ARHGEF3: variants seen among roughly 807,000 people sequenced by gnomAD.
ARHGEF3 encodes 59.8 kDA protein.
Under a neutral mutation model 63.2 loss-of-function variants are expected in ARHGEF3, and 28 were observed. The ratio of observed to expected loss-of-function variants is 0.44; its 90% CI spans 0.33 to 0.61. The LOEUF is 0.61. Among genes scored for constraint, ARHGEF3 ranks in the 20% least tolerant of loss-of-function variants. The pLI, the probability that ARHGEF3 is intolerant of heterozygous loss-of-function variation, is 0.03. For synonymous variants in ARHGEF3, 266 were observed against 254.2 expected, an observed-to-expected ratio of 1.05 and a Z score of -0.44; for missense variants, 533 against 659.3, an observed-to-expected ratio of 0.81 and a Z score of 2.10.
intron 2 of ARHGEF3, among the ~76,000 whole-genome samples, chr3:56,963,778 C>T (rs566199988): frequency 2.7e-4 from 41 of 152,302 alleles, no homozygotes; most frequent in African/African-American, 9.4e-4. Context: ...AAGATAATGG[C>T]TTCTTTCACT....
chr3:56,988,302 A>G (rs1311751585), intron 2 of ARHGEF3, among the ~76,000 whole-genome samples: 3 of 152,046 alleles, frequency 2.0e-5, no homozygotes, highest in African/African-American at 7.2e-5. Flanking sequence ...GCACGCCACC[A>G]TGCCCAGCTA....
chr3:56,827,218 TC>T (rs1386149598), intron 4 of ARHGEF3, among the ~76,000 whole-genome samples: 3 of 152,192 alleles, frequency 2.0e-5, no homozygotes, highest in Admixed American at 2.0e-4. Context: ...TAGTTACAAC[TC>T]GTATCCATTT....
At chr3:57,028,980 G>GAC (rs58006138) in intron 2 of ARHGEF3, among the ~76,000 whole-genome samples, 6,169 of 142,174 alleles carry the variant, frequency 0.043, 162 homozygotes, top group Middle Eastern at 0.077. Flanking sequence ...TAATGGTGAA[G>GAC]ACACACACAC....
intron 3 of ARHGEF3, among the ~76,000 whole-genome samples, chr3:56,754,352 G>C (rs2034940279): frequency 1.3e-5 from 2 of 152,210 alleles, no homozygotes; most frequent in African/African-American, 2.4e-5. Flanking sequence ...CTGTGTTTCA[G>C]GATATAGGGA....
At chr3:56,880,164 G>A (rs1296498331) in intron 4 of ARHGEF3, among the ~76,000 whole-genome samples, 1 of 152,150 alleles carries the variant, frequency 6.6e-6, no homozygotes, top group African/African-American at 2.4e-5. Flanking sequence ...CAAGATTCAG[G>A]AAAAATGCCA....
intron 3 of ARHGEF3, among the ~76,000 whole-genome samples, chr3:56,909,833 G>A (rs1183249134): frequency 6.6e-6 from 1 of 151,614 alleles, no homozygotes; most frequent in Admixed American, 6.6e-5. Context: ...CTTGGTGGTA[G>A]ATCAATTTAT....
intron 1 of ARHGEF3, among the ~76,000 whole-genome samples, chr3:57,061,225 C>T (rs1425101501): frequency 1.3e-5 from 2 of 152,172 alleles, no homozygotes; most frequent in African/African-American, 4.8e-5. Context: ...CCTTTTGTGA[C>T]TGACTTTTCT....
intron 1 of ARHGEF3, among the ~76,000 whole-genome samples, chr3:57,050,448 C>T (rs549470693): frequency 6.6e-6 from 1 of 152,250 alleles, no homozygotes; most frequent in East Asian, 1.9e-4. Context: ...TATGGCTGAG[C>T]CCCAGGGCAC....
At chr3:57,000,009 G>T (rs1702126323) in intron 2 of ARHGEF3, among the ~76,000 whole-genome samples, 1 of 152,100 alleles carries the variant, frequency 6.6e-6, no homozygotes, top group Non-Finnish European at 1.5e-5. Flanking sequence ...TTGGGCAAAT[G>T]ACTTAACCCC....
chr3:56,958,795 A>G (rs1560084324), intron 3 of ARHGEF3: 1 of 1,540,846 alleles, frequency 6.5e-7, no homozygotes, highest in South Asian at 1.2e-5. Context: ...GACATTTAAC[A>G]GCAGGGGCTA....
chr3:57,066,996 G>A (rs1705575592), intron 1 of ARHGEF3, among the ~76,000 whole-genome samples: 1 of 152,150 alleles, frequency 6.6e-6, no homozygotes, highest in Admixed American at 6.5e-5. Flanking sequence ...CACACATCCT[G>A]TTGGTTCTGT....
chr3:56,934,602 C>G (rs943693729), intron 3 of ARHGEF3, among the ~76,000 whole-genome samples: 1 of 152,244 alleles, frequency 6.6e-6, no homozygotes, highest in Non-Finnish European at 1.5e-5. Flanking sequence ...AGGGACTTAG[C>G]ACCCGGGCCA....
chr3:57,043,625 T>TG (rs1437306620), intron 1 of ARHGEF3, among the ~76,000 whole-genome samples: 6 of 152,154 alleles, frequency 3.9e-5, no homozygotes, highest in Non-Finnish European at 8.8e-5. Flanking sequence ...AGGTGATGAC[T>TG]GGGCTGAGTT....
chr3:56,983,747 C>T lies in ARHGEF3; in HGVS notation c.63-24858G>A, dbSNP rs573639867. On this transcript the variant is annotated intron_variant, in intron 2 of 12. Coordinates refer to the ARHGEF3 transcript ENST00000338458. Reference sequence around the variant, plus strand: ...GGTCAGGAGATCGAGGCCATCCTGGCCAATATGGTGAAACCCTGTCTCTAC... The same window carrying T: ...GGTCAGGAGATCGAGGCCATCCTGGTCAATATGGTGAAACCCTGTCTCTAC... Among the ~76,000 whole-genome samples the T allele has an allele frequency of 7.9e-5, 12 of 152,140 alleles. No individual in the cohort carries two copies. The South Asian group carries it at 2.3e-3, about 29-fold the overall frequency.
intron 2 of ARHGEF3, among the ~76,000 whole-genome samples, chr3:56,979,026 T>C (rs1701225702): frequency 6.6e-6 from 1 of 152,154 alleles, no homozygotes; most frequent in Admixed American, 6.5e-5. Flanking sequence ...CATAGTGGCA[T>C]GCACCTGTAG....
intron 3 of ARHGEF3, among the ~76,000 whole-genome samples, chr3:56,909,417 G>C (rs1448767290): frequency 6.6e-6 from 1 of 152,218 alleles, no homozygotes; most frequent in Non-Finnish European, 1.5e-5. Context: ...TGCAGAGCCT[G>C]CCTCTCTCCC....
At chr3:57,043,540 T>A (rs1471566504) in intron 1 of ARHGEF3, among the ~76,000 whole-genome samples, 2 of 150,020 alleles carry the variant, frequency 1.3e-5, no homozygotes, top group Non-Finnish European at 3.0e-5. Flanking sequence ...AACAAAGCTG[T>A]AATGATGGGA....
chr3:57,066,411 G>A lies in ARHGEF3; in HGVS notation c.-28+12815C>T, dbSNP rs188317191. 1.3e-3 allele frequency among the ~76,000 whole-genome samples: 200 copies of A among 152,132 alleles called. 4 individuals carry two copies. The East Asian group carries it at 0.035, about 26-fold the overall frequency. ...CAAGTAGCTGGGATTGCAGGCACCC[G>A]CCACCATGCCTGGCTTAATTTTTGT... On this transcript the variant is annotated intron_variant, in intron 1 of 12. Transcript: ENST00000338458.
chr3:57,066,195 A>AG lies in ARHGEF3; in HGVS notation c.-28+13030_-28+13031insC, dbSNP rs534247963. Among the ~76,000 whole-genome samples the AG allele has an allele frequency of 1.2e-3, 181 of 152,040 alleles. 1 individual carries two copies. The highest frequency in any genetic ancestry group is 2.2e-3 in the Non-Finnish European group (150 of 67,990). On this transcript the variant is annotated intron_variant, in intron 1 of 12. Coordinates refer to the ARHGEF3 transcript ENST00000338458. ...TTTGCAGTCAATCAAAGGGGAGGGA[A>AG]TTCTTTCCGAAATGTTCTCCTATCT...
Sources: gnomAD v4.1 joint callset for allele counts (sites outside exome capture counted in the v4.1 genomes callset) on GRCh38, gnomAD v4.1.1 for gene constraint, MANE v1.5 for transcripts, NCBI Gene and HGNC (gene_info 2026-07-23, HGNC 2026-07-21) for gene names.